Variants in FAAH2 observed in about 807,000 individuals in gnomAD.
FAAH2 encodes the protein fatty acid amide hydrolase 2, also known as fatty-acid amide hydrolase 2.
Under a neutral mutation model 36.9 loss-of-function variants are expected in FAAH2, and 60 were observed. The ratio of observed to expected loss-of-function variants is 1.63; its 90% CI spans 1.32 to 2.02. The LOEUF (loss-of-function observed/expected upper bound fraction) is 2.02, where lower values mean the gene tolerates loss of function less well. FAAH2 is among the 30% of genes most tolerant of loss of function. The probability of loss-of-function intolerance (pLI) is 0.00; values close to 1 mark genes in which losing one functional copy is unlikely to be tolerated. For synonymous variants in FAAH2, 214 were observed against 143.8 expected, an observed-to-expected ratio of 1.49 and a Z score of -3.49; for missense variants, 689 against 397.5, an observed-to-expected ratio of 1.73 and a Z score of -6.23.
intron 6 of FAAH2, among the ~76,000 whole-genome samples, chrX:57,379,284 A>G (rs891319386): frequency 5.4e-5 from 6 of 110,918 alleles, no homozygotes; most frequent in African/African-American, 2.0e-4. Context: ...ATAATCCCAC[A>G]TTTTATCTCA....
At chrX:57,156,825 G>A in the FAAH2 span, among the ~76,000 whole-genome samples, 5 of 111,913 alleles carry the variant, frequency 4.5e-5, no homozygotes, top group Admixed American at 3.8e-4. Flanking sequence ...ACCTGTCACC[G>A]TGCTGGGTTG....
chrX:57,243,389 C>T, the FAAH2 span, among the ~76,000 whole-genome samples: 3 of 112,410 alleles, frequency 2.7e-5, no homozygotes, highest in East Asian at 5.6e-4. Flanking sequence ...GCACAGCACT[C>T]GAGCTCTGCT....
intron 10 of FAAH2, among the ~76,000 whole-genome samples, chrX:57,474,440 T>C (rs2057228200): frequency 9.0e-6 from 1 of 111,056 alleles, no homozygotes; most frequent in South Asian, 3.8e-4. Flanking sequence ...CTCCCACTTA[T>C]GAGTGAGAAC....
At chrX:57,211,822 G>A in the FAAH2 span, among the ~76,000 whole-genome samples, 1 of 111,718 alleles carries the variant, frequency 9.0e-6, no homozygotes, top group African/African-American at 3.3e-5. Context: ...TATAGGCAAG[G>A]AAATTATACA....
chrX:57,279,053 GA>G, the FAAH2 span, among the ~76,000 whole-genome samples: 1 of 112,110 alleles, frequency 8.9e-6, no homozygotes, highest in Non-Finnish European at 1.9e-5. Context: ...GGCAATTCCT[GA>G]AGGATCTAGA....
At chrX:57,439,865 T>C (rs1166440747) in intron 8 of FAAH2, among the ~76,000 whole-genome samples, 1 of 112,025 alleles carries the variant, frequency 8.9e-6, no homozygotes, top group Non-Finnish European at 1.9e-5. Context: ...GGGAATCCTT[T>C]CCCCATTTCT....
intron 7 of FAAH2, among the ~76,000 whole-genome samples, chrX:57,420,577 T>G (rs1261875054): frequency 9.0e-6 from 1 of 110,643 alleles, no homozygotes; most frequent in Non-Finnish European, 1.9e-5. Context: ...TTTTGTATCC[T>G]GAGACTTTGC....
chrX:57,140,762 A>G, the FAAH2 span, among the ~76,000 whole-genome samples: 6 of 111,680 alleles, frequency 5.4e-5, no homozygotes, highest in East Asian at 1.7e-3. Context: ...CTCACTTATA[A>G]ACGGGAGGCA....
the FAAH2 span, among the ~76,000 whole-genome samples, chrX:57,192,732 G>A: frequency 8.9e-5 from 10 of 112,071 alleles, no homozygotes; most frequent in East Asian, 2.8e-4. Flanking sequence ...TGAAGATTTC[G>A]TGGACATTTA....
the FAAH2 span, among the ~76,000 whole-genome samples, chrX:57,164,147 G>A: frequency 4.5e-5 from 5 of 111,896 alleles, no homozygotes; most frequent in Non-Finnish European, 9.4e-5. Context: ...GCACAAGGTT[G>A]GATCAGTAAA....
At chrX:57,284,232 G>A (rs1212765347), upstream of FAAH2, among the ~76,000 whole-genome samples, 3 of 111,536 alleles carry the variant, frequency 2.7e-5, no homozygotes, top group Non-Finnish European at 3.8e-5. Context: ...CTGCAATCTG[G>A]GCATGGTGGT....
chrX:57,412,266 G>A (rs962029699), intron 7 of FAAH2, among the ~76,000 whole-genome samples: 38 of 110,563 alleles, frequency 3.4e-4, no homozygotes, highest in African/African-American at 1.1e-3. Context: ...TAAGTTCTGC[G>A]GAATGTGCAG....
At chrX:57,306,745 C>T (rs2052538084) in intron 2 of FAAH2, among the ~76,000 whole-genome samples, 1 of 95,783 alleles carries the variant, frequency 1.0e-5, no homozygotes, top group African/African-American at 3.7e-5. Context: ...TATATACACA[C>T]ACACTATATG....
intron 7 of FAAH2, among the ~76,000 whole-genome samples, chrX:57,401,120 C>T (rs1019054202): frequency 1.8e-5 from 2 of 110,894 alleles, no homozygotes; most frequent in African/African-American, 6.6e-5. Flanking sequence ...GAGACTCTGT[C>T]TCAAAAATAA....
the FAAH2 span, among the ~76,000 whole-genome samples, chrX:57,207,004 A>G: frequency 5.4e-5 from 6 of 111,577 alleles, no homozygotes; most frequent in Admixed American, 9.5e-5. Context: ...CAACAATTTC[A>G]AAGGTATAGG....
chrX:57,194,087 T>C, the FAAH2 span, among the ~76,000 whole-genome samples: 1 of 111,809 alleles, frequency 8.9e-6, no homozygotes, highest in South Asian at 3.7e-4. Context: ...TCAGAATCAT[T>C]TGAGTAGGGT....
chrX:57,256,955 C>T, the FAAH2 span, among the ~76,000 whole-genome samples: 1 of 112,497 alleles, frequency 8.9e-6, no homozygotes, highest in South Asian at 3.6e-4. Flanking sequence ...CTCATCATCA[C>T]TGGTCATTAG....
At chrX:57,235,721 G>A in the FAAH2 span, among the ~76,000 whole-genome samples, 2 of 111,377 alleles carry the variant, frequency 1.8e-5, no homozygotes, top group Non-Finnish European at 3.8e-5. Flanking sequence ...TTTATAATTG[G>A]CATGTAATCG....
intron 7 of FAAH2, among the ~76,000 whole-genome samples, chrX:57,411,133 C>A (rs576392849): frequency 8.9e-6 from 1 of 111,896 alleles, no homozygotes. Context: ...GGCGTTCAGA[C>A]CTTTTCCATG....
Sources: allele counts gnomAD v4.1 joint callset (sites outside exome capture counted in the v4.1 genomes callset), GRCh38; gene constraint gnomAD v4.1.1; transcripts MANE v1.5; gene names NCBI Gene and HGNC (gene_info 2026-07-23, HGNC 2026-07-21).